POU2F1: variants seen among roughly 807,000 people sequenced by gnomAD.
POU2F1 encodes the protein POU domain, class 2, transcription factor 1.
A neutral mutation model predicts 84.9 loss-of-function variants in POU2F1; 16 were observed. That is an observed-to-expected ratio of 0.19 (90% confidence interval 0.13 to 0.29). The LOEUF is 0.29. Ranked by LOEUF, POU2F1 falls within the 10% of genes least tolerant of loss-of-function variation. The pLI, the probability that POU2F1 is intolerant of heterozygous loss-of-function variation, is 1.00. For synonymous variants in POU2F1, 368 were observed against 368.3 expected (o/e 1.00, Z 0.01); for missense variants, 738 against 942.6 (o/e 0.78, Z 2.84).
chr1:167,378,659 G>A (rs1318579345), intron 7 of POU2F1, among the ~76,000 whole-genome samples: 2 of 152,106 alleles, frequency 1.3e-5, no homozygotes, highest in Non-Finnish European at 2.9e-5. Context: ...GCCCACCTCG[G>A]CCTCCCAGAG....
chr1:167,364,134 G>C (rs940634863), intron 2 of POU2F1, among the ~76,000 whole-genome samples: 1 of 152,210 alleles, frequency 6.6e-6, no homozygotes, highest in Non-Finnish European at 1.5e-5. Flanking sequence ...ACTGGATATA[G>C]TAATTTGAAA....
intron 2 of POU2F1, among the ~76,000 whole-genome samples, chr1:167,342,386 A>G (rs1018404719): frequency 6.6e-6 from 1 of 152,182 alleles, no homozygotes; most frequent in African/African-American, 2.4e-5. Context: ...CTGTCATCCA[A>G]AGTTCCTAGT....
At chr1:167,292,677 A>C (rs1179089996) in intron 1 of POU2F1, among the ~76,000 whole-genome samples, 2 of 151,766 alleles carry the variant, frequency 1.3e-5, no homozygotes, top group African/African-American at 2.4e-5. Flanking sequence ...AAAAAACTAC[A>C]AGAAATAATA....
At chr1:167,311,802 T>TTATTTATG (rs1328901538) in intron 1 of POU2F1, among the ~76,000 whole-genome samples, 1 of 151,232 alleles carries the variant, frequency 6.6e-6, no homozygotes, top group Non-Finnish European at 1.5e-5. Flanking sequence ...ATTTATTTAT[T>TTATTTATG]TATTTATTTT....
At chr1:167,345,839 T>G (rs945043491) in intron 2 of POU2F1, among the ~76,000 whole-genome samples, 9 of 151,680 alleles carry the variant, frequency 5.9e-5, no homozygotes, top group Non-Finnish European at 8.8e-5. Context: ...TGGTAAGTCA[T>G]AAGACACTTA....
intron 6 of POU2F1, 130 bp downstream of exon 6, chr1:167,374,426 G>A: frequency 1.2e-6 from 1 of 811,666 alleles, no homozygotes; most frequent in Non-Finnish European, 1.9e-6. Context: ...GATCAGTGAG[G>A]TAAGCGGTAC....
intron 12 of POU2F1, among the ~76,000 whole-genome samples, 198 bp downstream of exon 12, chr1:167,399,563 C>G (rs1249161828): frequency 3.9e-5 from 6 of 152,228 alleles, no homozygotes; most frequent in East Asian, 1.9e-4. Flanking sequence ...TGCTCTCTCT[C>G]TCTCTCTGCT....
rs536036195 is a variant in POU2F1, at chr1:167,326,607, CT to C, written c.62-5855del. Among the ~76,000 whole-genome samples, 9 of 151,968 alleles carry C rather than the reference CT, an allele frequency of 5.9e-5. No individual in the cohort carries two copies. The East Asian group carries it at 1.6e-3, about 26-fold the overall frequency. ...TTCCTTCCCACTGTAGCAATGTGAG[CT>C]TTTTTTTCTGGGTGAGCTTTGCAGT... On this transcript the variant is annotated intron_variant, in intron 1 of 15. Coordinates refer to ENST00000367866, the MANE Select transcript of POU2F1 (RefSeq NM_002697.4).
chr1:167,412,179 G>A lies in POU2F1; in HGVS notation c.1776G>A (p.Leu592=), dbSNP rs1650015498. 12 of 1,613,992 alleles carry A rather than the reference G, an allele frequency of 7.4e-6. No individual in the cohort carries two copies. The highest frequency in any genetic ancestry group is 9.3e-6 in the Non-Finnish European group (11 of 1,179,918). Residue 592 remains leucine (L), a synonymous_variant, in exon 14 of 16, where the codon TTG becomes TTA. Coordinates refer to ENST00000367866, the MANE Select transcript of POU2F1 (RefSeq NM_002697.4). ...TSQVMVTASG[L]QTAAAAALQG... ...AGGTGATGGTGACAGCATCAGGTTTGCAAACAGCAGCAGCTGCTGCCCTTC... is the reference window on the plus strand; with the variant it reads ...AGGTGATGGTGACAGCATCAGGTTTACAAACAGCAGCAGCTGCTGCCCTTC...
At chr1:167,311,828 A>G (rs1445300462) in intron 1 of POU2F1, among the ~76,000 whole-genome samples, 1 of 143,798 alleles carries the variant, frequency 7.0e-6, no homozygotes, top group Non-Finnish European at 1.5e-5. Flanking sequence ...TTGGAGACAG[A>G]GTCTTGCTCT....
intron 1 of POU2F1, among the ~76,000 whole-genome samples, chr1:167,237,772 ATTTTTTTTTT>A (rs1216931950): frequency 1.0e-4 from 3 of 29,958 alleles, no homozygotes; most frequent in Non-Finnish European, 1.7e-4. Context: ...ATATATATAT[ATTTTTTTTTT>A]TTTTTTTTTT....
At chr1:167,292,194 A>G (rs958457559) in intron 1 of POU2F1, among the ~76,000 whole-genome samples, 1 of 152,002 alleles carries the variant, frequency 6.6e-6, no homozygotes, top group African/African-American at 2.4e-5. Flanking sequence ...CTCTATTATG[A>G]TATCTATTAT....
rs962803949 is a variant in POU2F1 at position 167,425,526 on chromosome 1, A to C, written c.*9716A>C. On this transcript the variant is annotated 3_prime_UTR_variant, in exon 16 of 16. Coordinates refer to ENST00000367866, the MANE Select transcript of POU2F1 (RefSeq NM_002697.4). ...TGAGCATGCCCTGAAACAAATTGGC[A>C]TTTCAGATTTTCCAAAACAAAAGTC... 6.6e-6 allele frequency: 1 copy of C among 152,418 alleles called. No homozygotes were observed. Among genetic ancestry groups the C allele is most frequent in the Non-Finnish European group, 1.5e-5 (1 of 68,246 alleles). 9.4% of individuals were successfully genotyped at this position (152,418 alleles called of 1,614,324 possible).
At chr1:167,278,374 G>A (rs1557864042) in intron 1 of POU2F1, among the ~76,000 whole-genome samples, 1 of 152,158 alleles carries the variant, frequency 6.6e-6, no homozygotes. Flanking sequence ...AAGAGGGATG[G>A]GACCTTGTCT....
At chr1:167,264,723 T>C (rs1232089313) in intron 1 of POU2F1, among the ~76,000 whole-genome samples, 6 of 152,174 alleles carry the variant, frequency 3.9e-5, no homozygotes, top group Admixed American at 6.5e-5. Flanking sequence ...TTTTATCTTT[T>C]TTCTTAAGAA....
At chr1:167,252,973 A>G (rs1366245511) in intron 1 of POU2F1, among the ~76,000 whole-genome samples, 1 of 152,234 alleles carries the variant, frequency 6.6e-6, no homozygotes, top group Non-Finnish European at 1.5e-5. Flanking sequence ...TGATGTGTAC[A>G]TCTAATTCAG....
chr1:167,290,761 G>A (rs956493254), intron 1 of POU2F1, among the ~76,000 whole-genome samples: 1 of 152,168 alleles, frequency 6.6e-6, no homozygotes, highest in Non-Finnish European at 1.5e-5. Flanking sequence ...AAGTAATTTT[G>A]GCCAGGAGCA....
chr1:167,371,365 A>G (rs1355001421), intron 4 of POU2F1, among the ~76,000 whole-genome samples: 2 of 152,222 alleles, frequency 1.3e-5, no homozygotes, highest in East Asian at 3.8e-4. Context: ...GCTTTGCATA[A>G]CCAGTTTTAA....
chr1:167,397,141 A>G (rs1648867104), intron 10 of POU2F1, among the ~76,000 whole-genome samples: 1 of 152,170 alleles, frequency 6.6e-6, no homozygotes, highest in Non-Finnish European at 1.5e-5. Context: ...TTTCCATCTT[A>G]TTTTACGTGT....
Sources: allele counts gnomAD v4.1 joint callset (sites outside exome capture counted in the v4.1 genomes callset), GRCh38; gene constraint gnomAD v4.1.1; transcripts MANE v1.5; gene names NCBI Gene and HGNC (gene_info 2026-07-23, HGNC 2026-07-21).